FNTB: variants seen among roughly 807,000 people sequenced by gnomAD.
FNTB encodes the protein protein farnesyltransferase subunit beta.
A neutral mutation model predicts 59.4 loss-of-function variants in FNTB; 27 were observed. That is an observed-to-expected ratio of 0.45 (90% confidence interval 0.34 to 0.63). FNTB has a LOEUF of 0.63. Among genes scored for constraint, FNTB ranks in the 20% least tolerant of loss-of-function variants. FNTB has a pLI of 0.02. For synonymous variants in FNTB, 230 were observed against 220.7 expected, an observed-to-expected ratio of 1.04 and a Z score of -0.37; for missense variants, 449 against 559.6, an observed-to-expected ratio of 0.80 and a Z score of 1.99.
Position 65,027,611 on chromosome 14 carries a change from G to A in FNTB, c.521+12G>A. On this transcript the variant is annotated intron_variant, in intron 5 of 11. Coordinates refer to ENST00000246166, the MANE Select transcript of FNTB (RefSeq NM_002028.4). This position sits in a 1 kb window ranked among gnomAD's most constrained non-coding sequence, Gnocchi z 5.7. ...GACATCATTAACAGGTACAGTGAAA[G>A]CCAGCAGTGACAGAAACCTAGAGGA... is the stretch of plus-strand genomic sequence containing the variant. 6.2e-7 allele frequency: 1 copy of A among 1,614,146 alleles called. No homozygotes were observed. Among genetic ancestry groups the A allele is most frequent in the South Asian group, 1.1e-5 (1 of 91,086 alleles).
In FNTB at chr14:65,011,483, G is replaced by T. The variant is rs922382952; in HGVS notation, c.210-834G>T. On this transcript the variant is annotated intron_variant, in intron 2 of 11. Coordinates refer to ENST00000246166, the MANE Select transcript of FNTB (RefSeq NM_002028.4). The surrounding 1 kb of genome is among the most constrained non-coding windows in gnomAD (Gnocchi z 4.0). ...CATGAAGGCTCTTACTCTGAGCCAA[G>T]TACAGTGGGAATTTGATAAACAATT... Among the ~76,000 whole-genome samples, 1 of 149,264 alleles carries T rather than the reference G, an allele frequency of 6.7e-6. No individual in the cohort carries two copies. Among genetic ancestry groups the T allele is most frequent in the Non-Finnish European group, 1.5e-5 (1 of 67,634 alleles).
rs367570902 is a variant in FNTB at position 65,006,156 on chromosome 14, C to CTT, written c.209+1859_209+1860dup. ...CCAGCTTTGTTTGTTACCTTTGTGTCTTTTTTTTTTTTTTTTTGCCACCAT... is the reference window on the plus strand; with the variant it reads ...CCAGCTTTGTTTGTTACCTTTGTGTCTTTTTTTTTTTTTTTTTTTGCCACCAT... On this transcript the variant is annotated intron_variant, in intron 2 of 11. Coordinates refer to ENST00000246166, the MANE Select transcript of FNTB (RefSeq NM_002028.4). 109,124 of 1,469,542 alleles carry CTT rather than the reference C, an allele frequency of 0.074. 1,278 individuals are homozygous for CTT. Among genetic ancestry groups the CTT allele is most frequent in the Admixed American group, 0.097 (4,733 of 48,686 alleles). 91.0% of individuals were successfully genotyped at this position (1,469,542 alleles called of 1,614,324 possible). A position where few individuals can be genotyped will look rare whatever the true frequency, so the allele number is the denominator to read the frequency against.
intron 7 of FNTB, among the ~76,000 whole-genome samples, chr14:65,033,309 G>A (rs2062122168): frequency 6.6e-6 from 1 of 152,152 alleles, no homozygotes; most frequent in Non-Finnish European, 1.5e-5. Flanking sequence ...ATTCTGTATT[G>A]TTTCTGAGAA....
Position 65,030,368 on chromosome 14 carries a change from A to G in FNTB, c.606-2242A>G, listed in dbSNP as rs1555335004. On this transcript the variant is annotated intron_variant, in intron 6 of 11. Transcript: ENST00000246166. The surrounding 1 kb of genome is among the most constrained non-coding windows in gnomAD (Gnocchi z 4.5). Reference sequence around the variant, plus strand: ...TGCTAAAAATGCTGGTAGGATCATAATGCATGCAGCTTCTGCAGAGACTTC... The same window carrying G: ...TGCTAAAAATGCTGGTAGGATCATAGTGCATGCAGCTTCTGCAGAGACTTC... Among the ~76,000 whole-genome samples, 1 of 152,226 alleles carries G rather than the reference A, an allele frequency of 6.6e-6. No homozygotes were observed.
At chr14:65,049,898 C>T (rs2062568239) in intron 9 of FNTB, among the ~76,000 whole-genome samples, 1 of 151,890 alleles carries the variant, frequency 6.6e-6, no homozygotes, top group Non-Finnish European at 1.5e-5. Context: ...CCAAAAATCC[C>T]CATACACATT....
At position 65,054,792 on chromosome 14, in the gene FNTB, G is replaced by A; in HGVS notation, c.1182+103G>A. 7.7e-7 allele frequency: 1 copy of A among 1,304,138 alleles called. No homozygotes were observed. The highest frequency in any genetic ancestry group is 1.1e-6 in the Non-Finnish European group (1 of 942,836). 80.8% of individuals were successfully genotyped at this position (1,304,138 alleles called of 1,614,324 possible). A position where few individuals can be genotyped will look rare whatever the true frequency, so the allele number is the denominator to read the frequency against. ...GGCTCTGCATTTCCTGTGTGGACAG[G>A]CGGAAGCTTGTGGTCCCTCTGCCCT... On this transcript the variant is annotated intron_variant, in intron 11 of 11. Coordinates refer to ENST00000246166, the MANE Select transcript of FNTB (RefSeq NM_002028.4). This position sits in a 1 kb window ranked among gnomAD's most constrained non-coding sequence, Gnocchi z 4.4.
Position 64,997,093 on chromosome 14 carries a change from G to A in FNTB, c.145-7156G>A, listed in dbSNP as rs115230106. Among the ~76,000 whole-genome samples, 206 of 152,034 alleles carry A rather than the reference G, an allele frequency of 1.4e-3. 1 individual carries two copies. The highest frequency in any genetic ancestry group is 5.0e-3 in the African/African-American group (206 of 41,482). ...GTCTTGTCAGATTTCTCTGATGGTC[G>A]TAATTTTGGAAAGACAATCTCCCTT... On this transcript the variant is annotated intron_variant, in intron 1 of 11. Transcript: ENST00000246166. This position sits in a 1 kb window ranked among gnomAD's most constrained non-coding sequence, Gnocchi z 4.5.
At position 65,001,383 on chromosome 14, in the gene FNTB, G is replaced by T. The variant is rs1247265693; in HGVS notation, c.145-2866G>T. Among the ~76,000 whole-genome samples the T allele has an allele frequency of 6.6e-6, 1 of 152,128 alleles. No individual in the cohort carries two copies. The highest frequency in any genetic ancestry group is 1.5e-5 in the Non-Finnish European group (1 of 68,020). ...CAGTAATATGCTGTACAGGTCTGTG[G>T]CCCAGGAGCAGTAGGCCACACTATA... On this transcript the variant is annotated intron_variant, in intron 1 of 11. Transcript: ENST00000246166. This position sits in a 1 kb window ranked among gnomAD's most constrained non-coding sequence, Gnocchi z 5.5.
intron 1 of FNTB, among the ~76,000 whole-genome samples, chr14:64,988,942 T>C (rs1480790786): frequency 6.6e-6 from 1 of 152,194 alleles, no homozygotes; most frequent in East Asian, 1.9e-4. Flanking sequence ...AGCACAGTGC[T>C]AAATGCTCTC....
chr14:65,020,722 C>T (rs994898725), intron 4 of FNTB, among the ~76,000 whole-genome samples: 10 of 149,168 alleles, frequency 6.7e-5, no homozygotes, highest in African/African-American at 2.2e-4. Context: ...GCATGAGCCA[C>T]CGCGCCCGGC....
chr14:65,015,170 T>C (rs1322637927), intron 3 of FNTB, among the ~76,000 whole-genome samples: 1 of 151,700 alleles, frequency 6.6e-6, no homozygotes, highest in African/African-American at 2.4e-5. Flanking sequence ...TGGTGCCATC[T>C]CGGCTCACTG....
Position 64,987,034 on chromosome 14 carries a change from G to T in FNTB, c.81G>T (p.Arg27Ser). ...GGTCAGAGCCGCTGTACAGTCTGAG[G>T]CCCGAGCACGCGCGAGAGCGGTTGC... ...PVWSEPLYSL[R>S]PEHARERLQD... The change falls in exon 1 of 12, where the codon AGG becomes AGT. Residue 27 changes from arginine (R) to serine (S), a missense_variant. Transcript: ENST00000246166. 1 of 1,614,234 alleles carries T rather than the reference G, an allele frequency of 6.2e-7. No homozygotes were observed. Among genetic ancestry groups the T allele is most frequent in the Non-Finnish European group, 8.5e-7 (1 of 1,180,048 alleles).
At chr14:65,015,557 C>A (rs764653279) in intron 3 of FNTB, 68 bp from the exon 4 acceptor site, 1 of 1,561,464 alleles carries the variant, frequency 6.4e-7, no homozygotes, top group South Asian at 1.1e-5. Flanking sequence ...GAGACAGATA[C>A]AGCCTTGGCA....
intron 7 of FNTB, among the ~76,000 whole-genome samples, chr14:65,035,286 G>T (rs887889097): frequency 6.6e-6 from 1 of 152,118 alleles, no homozygotes; most frequent in African/African-American, 2.4e-5. Context: ...GGAAGGGAGG[G>T]ACTAACTGCA....
intron 4 of FNTB, among the ~76,000 whole-genome samples, chr14:65,026,949 A>T (rs1379463018): frequency 6.6e-6 from 1 of 152,114 alleles, no homozygotes; most frequent in Non-Finnish European, 1.5e-5. Flanking sequence ...AATGGGAGTG[A>T]GAAGACCTCT....
chr14:64,999,675 T>C lies in FNTB; in HGVS notation c.145-4574T>C, dbSNP rs144144153. On this transcript the variant is annotated intron_variant, in intron 1 of 11. Transcript: ENST00000246166. ...GTTAAAAAAATACACCAGTTCTTAG[T>C]TCTCCATGGGACCTGTTAAGAAAAA... Among the ~76,000 whole-genome samples, 581 of 152,334 alleles carry C rather than the reference T, an allele frequency of 3.8e-3. 7 individuals are homozygous for C. Among genetic ancestry groups the C allele is most frequent in the African/African-American group, 0.013 (542 of 41,576 alleles).
Position 65,007,735 on chromosome 14 carries a change from C to T in FNTB, c.209+3422C>T, listed in dbSNP as rs148307670. ...CCCTGTGGGTATTGTCACGGTTTCACACCCTTTTGAATGTACCCTTTTGCA... is the reference window on the plus strand; with the variant it reads ...CCCTGTGGGTATTGTCACGGTTTCATACCCTTTTGAATGTACCCTTTTGCA... On this transcript the variant is annotated intron_variant, in intron 2 of 11. Transcript: ENST00000246166. This position sits in a 1 kb window ranked among gnomAD's most constrained non-coding sequence, Gnocchi z 4.9. Among the ~76,000 whole-genome samples, 13 of 152,316 alleles carry T rather than the reference C, an allele frequency of 8.5e-5. No homozygotes were observed. In the East Asian group the frequency reaches 2.5e-3, roughly 29 times the overall value.
intron 11 of FNTB, among the ~76,000 whole-genome samples, chr14:65,055,904 T>A (rs1295020134): frequency 6.6e-6 from 1 of 152,158 alleles, no homozygotes; most frequent in African/African-American, 2.4e-5. Flanking sequence ...TCAACCTCAT[T>A]CTTAATCAGA....
At position 65,053,283 on chromosome 14, in the gene FNTB, C is replaced by G; in HGVS notation, c.1001C>G (p.Ala334Gly). 6.8e-7 allele frequency: 1 copy of G among 1,466,018 alleles called. No individual in the cohort carries two copies. Among genetic ancestry groups the G allele is most frequent in the Non-Finnish European group, 9.1e-7 (1 of 1,100,720 alleles). 90.8% of individuals were successfully genotyped at this position (1,466,018 alleles called of 1,614,324 possible). A position where few individuals can be genotyped will look rare whatever the true frequency, so the allele number is the denominator to read the frequency against. Residue 334 changes from alanine to glycine, a missense_variant, in exon 10 of 12, where the codon GCC (alanine) becomes GGC (glycine). Coordinates refer to ENST00000246166, the MANE Select transcript of FNTB (RefSeq NM_002028.4). ...AGCCACTGGATGTTCCATCAGCAGGCCCTGCAGGAGTACATCCTGATGTGC... is the reference window on the plus strand; with the variant it reads ...AGCCACTGGATGTTCCATCAGCAGGGCCTGCAGGAGTACATCCTGATGTGC... ...SMSHWMFHQQ[A>G]LQEYILMCCQ... is the part of the protein sequence containing the mutation.
Sources: gnomAD v4.1 joint callset for allele counts (sites outside exome capture counted in the v4.1 genomes callset) on GRCh38, gnomAD v4.1.1 for gene constraint, Gnocchi (gnomAD v3.1) non-coding constraint, MANE v1.5 for transcripts, NCBI Gene and HGNC (gene_info 2026-07-23, HGNC 2026-07-21) for gene names.